Variants in MBNL3 observed in about 807,000 individuals in gnomAD.
MBNL3 encodes the protein muscleblind-like protein 3.
MBNL3 carries 6 observed loss-of-function variants against 24.5 expected under a neutral mutation model. The observed-to-expected ratio is 0.25, with a 90% CI of 0.13 to 0.48. The LOEUF (loss-of-function observed/expected upper bound fraction) is 0.48. MBNL3 is among the 20% of genes least tolerant of loss of function. The pLI is 0.99. For synonymous variants in MBNL3, 100 were observed against 101.7 expected, an observed-to-expected ratio of 0.98 and a Z score of 0.10; for missense variants, 230 against 293.5, an observed-to-expected ratio of 0.78 and a Z score of 1.58.
chrX:132,384,393 A>G (rs1475559271), intron 7 of MBNL3, among the ~76,000 whole-genome samples: 1 of 112,527 alleles, frequency 8.9e-6, no homozygotes, highest in East Asian at 2.8e-4. Context: ...TGTAAAAGAA[A>G]CGATTTTTTA....
At chrX:132,468,944 T>G (rs1408824403) in intron 1 of MBNL3, among the ~76,000 whole-genome samples, 1 of 112,700 alleles carries the variant, frequency 8.9e-6, no homozygotes, top group Non-Finnish European at 1.9e-5. Flanking sequence ...CCAAGGAATG[T>G]TAACAGCTCT....
chrX:132,451,408 C>T (rs984732301), intron 1 of MBNL3, among the ~76,000 whole-genome samples: 1 of 111,790 alleles, frequency 8.9e-6, no homozygotes, highest in Admixed American at 9.4e-5. Flanking sequence ...GGTACAGTGG[C>T]TTTGCTAAGC....
intron 3 of MBNL3, among the ~76,000 whole-genome samples, chrX:132,397,354 T>C (rs1425941360): frequency 9.0e-6 from 1 of 111,311 alleles, no homozygotes; most frequent in Non-Finnish European, 1.9e-5. Flanking sequence ...TTAAATGTTA[T>C]GCCAAATCAA....
Position 132,371,105 on chromosome X carries a change from G to A in MBNL3, c.*8561C>T, listed in dbSNP as rs918484903. The A allele has an allele frequency of 9.0e-6, 1 of 111,450 alleles. No individual in the cohort carries two copies. The highest frequency in any genetic ancestry group is 2.8e-4 in the East Asian group (1 of 3,542). The allele number at this position is 111,450 out of a possible 1,213,427, so 9.2% of individuals were successfully genotyped here. A position where few individuals can be genotyped will look rare whatever the true frequency, so the allele number is the denominator to read the frequency against. On this transcript the variant is annotated 3_prime_UTR_variant, in exon 9 of 9. Coordinates refer to ENST00000370853, the MANE Select transcript of MBNL3 (RefSeq NM_001386889.1). ...CAGAAACACCTACAAAACATTAAAC[G>A]GCTCAAAGTGGGCTTATCAAGAAAT...
At chrX:132,462,078 A>G (rs1219359202) in intron 1 of MBNL3, among the ~76,000 whole-genome samples, 1 of 111,975 alleles carries the variant, frequency 8.9e-6, no homozygotes, top group Non-Finnish European at 1.9e-5. Context: ...ATAGGACTAT[A>G]GAGGATAAAT....
At chrX:132,396,533 C>A (rs1317970657) in intron 3 of MBNL3, among the ~76,000 whole-genome samples, 4 of 56,492 alleles carry the variant, frequency 7.1e-5, no homozygotes, top group Admixed American at 2.8e-4. Flanking sequence ...TATATATATT[C>A]ATATATATAT....
intron 1 of MBNL3, among the ~76,000 whole-genome samples, chrX:132,467,627 T>C (rs943561007): frequency 2.3e-4 from 26 of 112,074 alleles, no homozygotes; most frequent in African/African-American, 7.8e-4. Flanking sequence ...CAATGAGACA[T>C]TGTTAACAAC....
chrX:132,441,880 T>C (rs1361053660), intron 1 of MBNL3, among the ~76,000 whole-genome samples: 1 of 112,014 alleles, frequency 8.9e-6, no homozygotes, highest in Non-Finnish European at 1.9e-5. Flanking sequence ...AAACAAAATG[T>C]GGTATATCCA....
At chrX:132,379,968 C>A (rs1010534027) in intron 8 of MBNL3, among the ~76,000 whole-genome samples, 1 of 112,412 alleles carries the variant, frequency 8.9e-6, no homozygotes, top group Non-Finnish European at 1.9e-5. Context: ...TGAACATACA[C>A]CCATGTGTCC....
chrX:132,458,896 T>C (rs760119459), intron 1 of MBNL3, among the ~76,000 whole-genome samples: 1 of 107,789 alleles, frequency 9.3e-6, no homozygotes, highest in Non-Finnish European at 1.9e-5. Context: ...TCAGCCTCCC[T>C]CTAGAGGAAG....
intron 1 of MBNL3, among the ~76,000 whole-genome samples, chrX:132,481,555 A>C (rs369085804): frequency 8.9e-6 from 1 of 111,906 alleles, no homozygotes; most frequent in African/African-American, 3.2e-5. Flanking sequence ...CATCATCATC[A>C]TTGTCATCCC....
intron 2 of MBNL3, among the ~76,000 whole-genome samples, chrX:132,433,978 T>G (rs976700309): frequency 8.9e-6 from 1 of 112,619 alleles, no homozygotes; most frequent in African/African-American, 3.2e-5. Flanking sequence ...TCCTGGCCAC[T>G]GTATCTAAAA....
At chrX:132,381,206 A>G (rs1395206818) in intron 8 of MBNL3, among the ~76,000 whole-genome samples, 1 of 112,258 alleles carries the variant, frequency 8.9e-6, no homozygotes, top group African/African-American at 3.2e-5. Context: ...CTCACATTTC[A>G]ATTTGGAAAA....
chrX:132,471,781 T>A (rs1295779469), intron 1 of MBNL3, among the ~76,000 whole-genome samples: 7 of 111,539 alleles, frequency 6.3e-5, no homozygotes, highest in Non-Finnish European at 1.3e-4. Flanking sequence ...CCGATGTTTA[T>A]TTGTGTGTGT....
At chrX:132,429,072 G>A (rs1303985873) in intron 2 of MBNL3, among the ~76,000 whole-genome samples, 1 of 112,220 alleles carries the variant, frequency 8.9e-6, no homozygotes, top group African/African-American at 3.2e-5. Flanking sequence ...TACATGCCTG[G>A]CCCTAGCCCA....
intron 1 of MBNL3, among the ~76,000 whole-genome samples, chrX:132,461,894 A>G (rs1212349443): frequency 8.9e-6 from 1 of 112,298 alleles, no homozygotes; most frequent in Non-Finnish European, 1.9e-5. Flanking sequence ...TTTCTATTAT[A>G]CATAAGAATC....
At chrX:132,424,712 C>T (rs1944139863) in intron 2 of MBNL3, among the ~76,000 whole-genome samples, 1 of 109,835 alleles carries the variant, frequency 9.1e-6, no homozygotes, top group African/African-American at 3.3e-5. Flanking sequence ...AATGAAAAGC[C>T]TTTCTCAATG....
At chrX:132,443,984 T>TCCCCCCCCCCCCCCCCCCCCCC (rs762809506) in intron 1 of MBNL3, among the ~76,000 whole-genome samples, 1 of 6,154 alleles carries the variant, frequency 1.6e-4, no homozygotes, top group African/African-American at 6.1e-4. Flanking sequence ...GACTCCAGAG[T>TCCCCCCCCCCCCCCCCCCCCCC]CCGCCCCCCC....
chrX:132,376,199 A>G lies in MBNL3; in HGVS notation c.*3467T>C, dbSNP rs1364307327. 1 of 111,276 alleles carries G rather than the reference A, an allele frequency of 9.0e-6. No homozygotes were observed. The highest frequency in any genetic ancestry group is 3.3e-5 in the African/African-American group (1 of 30,735). The allele number at this position is 111,276 out of a possible 1,213,427, so 9.2% of individuals were successfully genotyped here. A position where few individuals can be genotyped will look rare whatever the true frequency, so the allele number is the denominator to read the frequency against. ...AACGGATGAAAAAAATTGATGGAGT[A>G]GAGAGAAGATGACTTTCCACATCAT... is the stretch of plus-strand genomic sequence containing the variant. On this transcript the variant is annotated 3_prime_UTR_variant, in exon 9 of 9. Transcript: ENST00000370853.
Sources: gnomAD v4.1 joint callset for allele counts (sites outside exome capture counted in the v4.1 genomes callset) on GRCh38, gnomAD v4.1.1 for gene constraint, MANE v1.5 for transcripts, NCBI Gene and HGNC (gene_info 2026-07-23, HGNC 2026-07-21) for gene names.